The following IWS1 variants were observed in gnomAD, a reference collection of about 807,000 sequenced individuals.
IWS1 encodes protein IWS1 homolog.
In IWS1, 27 loss-of-function variants were observed where a neutral mutation model predicts 86.7. That is an observed-to-expected ratio of 0.31 (90% CI 0.23 to 0.43). The LOEUF (loss-of-function observed/expected upper bound fraction) is 0.43, where lower values mean the gene tolerates loss of function less well. Among genes scored for constraint, IWS1 ranks in the 20% least tolerant of loss-of-function variants. IWS1 has a pLI of 1.00. For synonymous variants in IWS1, 313 were observed against 335.1 expected, an observed-to-expected ratio of 0.93 and a Z score of 0.72; for missense variants, 827 against 1,000.8, an observed-to-expected ratio of 0.83 and a Z score of 2.34.
chr2:127,508,302 T>G (rs142148737), intron 2 of IWS1, among the ~76,000 whole-genome samples: 1 of 152,186 alleles, frequency 6.6e-6, no homozygotes, highest in East Asian at 1.9e-4. Context: ...AAAGTATGTA[T>G]ATGATATTTC....
intron 2 of IWS1, among the ~76,000 whole-genome samples, chr2:127,521,701 C>T (rs776465938): frequency 1.4e-4 from 21 of 152,126 alleles, no homozygotes; most frequent in Admixed American, 5.9e-4. Flanking sequence ...TGTATGGGTA[C>T]TCAAAGTATA....
chr2:127,525,162 T>C (rs967780682), intron 1 of IWS1, among the ~76,000 whole-genome samples: 6 of 149,712 alleles, frequency 4.0e-5, no homozygotes, highest in African/African-American at 1.0e-4. Context: ...GGTCTCACTA[T>C]GTTGCCCAGG....
chr2:127,493,848 A>C (rs1690367022), intron 8 of IWS1, among the ~76,000 whole-genome samples: 1 of 152,070 alleles, frequency 6.6e-6, no homozygotes, highest in Non-Finnish European at 1.5e-5. Context: ...AAAAAAAAAA[A>C]AAAAAACTCA....
rs141688354 is a variant in IWS1 at position 127,523,589 on chromosome 2, TCA to T, written c.150+85_150+86del. The T allele has an allele frequency of 2.6e-3, 2,204 of 858,350 alleles. 30 individuals carry two copies. The African/African-American group carries it at 0.033, about 13-fold the overall frequency. The allele number at this position is 858,350 out of a possible 1,614,324, so 53.2% of individuals were successfully genotyped here. A position where few individuals can be genotyped will look rare whatever the true frequency, so the allele number is the denominator to read the frequency against. On this transcript the variant is annotated intron_variant, in intron 2 of 13. Coordinates refer to ENST00000295321, the MANE Select transcript of IWS1 (RefSeq NM_017969.3). ...CTCAGAGATTAAACCCTAAACTCTG[TCA>T]CAGAGATTCTGTAACTCCTATAATA...
intron 13 of IWS1, among the ~76,000 whole-genome samples, chr2:127,483,598 G>GGGGGGT (rs1689763605): frequency 4.6e-5 from 1 of 21,822 alleles, no homozygotes; most frequent in Non-Finnish European, 1.2e-4. Context: ...GGGTGGGGGG[G>GGGGGGT]TTGGGCTGTG....
intron 12 of IWS1, among the ~76,000 whole-genome samples, chr2:127,488,688 A>G (rs1690061045): frequency 6.6e-6 from 1 of 152,216 alleles, no homozygotes. Context: ...TTCCTGTGGA[A>G]TCACAAGACG....
chr2:127,523,764 T>C lies in IWS1; in HGVS notation c.62A>G (p.Asp21Gly). 6.2e-7 allele frequency: 1 copy of C among 1,613,732 alleles called. No individual in the cohort carries two copies. Among genetic ancestry groups the C allele is most frequent in the Non-Finnish European group, 8.5e-7 (1 of 1,179,872 alleles). ...SDDGGATPVQDERDSGSDGED... is the reference protein window; with the variant it reads ...SDDGGATPVQGERDSGSDGED... ...ACCGTCTGACCCTGAATCCCGTTCA[T>C]CCTGTACTGGGGTAGCACCACCATC... is the stretch of plus-strand genomic sequence containing the variant. The change falls in exon 2 of 14, where the codon GAT becomes GGT. Residue 21 changes from aspartate to glycine, a missense_variant. Physicochemically the swap from Asp to Gly is moderately conservative, Grantham distance 94. Around this residue, in one of 2 missense-constraint regions of IWS1, gnomAD observed 548 missense variants for 560.2 expected, o/e 0.98. Coordinates refer to ENST00000295321, the MANE Select transcript of IWS1 (RefSeq NM_017969.3).
At chr2:127,506,622 C>A (rs1691164986) in intron 2 of IWS1, 1 of 165,326 alleles carries the variant, frequency 6.0e-6, no homozygotes, top group Non-Finnish European at 1.5e-5. Context: ...AATACCACAA[C>A]AGGCTCTCTC....
intron 6 of IWS1, among the ~76,000 whole-genome samples, chr2:127,497,353 G>A (rs1220491058): frequency 6.6e-6 from 1 of 152,152 alleles, no homozygotes; most frequent in East Asian, 1.9e-4. Flanking sequence ...CTAGGAAGGT[G>A]TTCAATTATT....
At chr2:127,496,550 T>TACACACACACACACACACACACAC (rs36048775) in intron 6 of IWS1, among the ~76,000 whole-genome samples, 2 of 140,424 alleles carry the variant, frequency 1.4e-5, no homozygotes, top group Non-Finnish European at 3.1e-5. Flanking sequence ...TATTTTATCA[T>TACACACACACACACACACACACAC]ACACACACAC....
intron 6 of IWS1, among the ~76,000 whole-genome samples, chr2:127,496,978 T>C (rs1447752460): frequency 1.3e-5 from 2 of 152,254 alleles, no homozygotes; most frequent in Non-Finnish European, 2.9e-5. Context: ...TGCACAGGTT[T>C]GTACCCTAGG....
At chr2:127,495,059 A>ATT (rs2104676571) in intron 7 of IWS1, 105 bp from the exon 8 acceptor site, 1 of 658,138 alleles carries the variant, frequency 1.5e-6, no homozygotes, top group East Asian at 2.9e-5. Context: ...CAAAGAAACA[A>ATT]TTTTTCCTAC....
chr2:127,525,054 C>A lies in IWS1; in HGVS notation c.34+1121G>T, dbSNP rs897474227. 1.4e-4 allele frequency among the ~76,000 whole-genome samples: 19 copies of A among 140,268 alleles called. 1 individual carries two copies. Among genetic ancestry groups the A allele is most frequent in the African/African-American group, 5.3e-4 (19 of 35,754 alleles). 92.0% of individuals were successfully genotyped at this position (140,268 alleles called of 152,430 possible). A position where few individuals can be genotyped will look rare whatever the true frequency, so the allele number is the denominator to read the frequency against. ...GGGACTACAGGTGTATGCCACCACA[C>A]TCGGCTAATTTTTGCATTTTTTTGT... On this transcript the variant is annotated intron_variant, in intron 1 of 13. Coordinates refer to ENST00000295321, the MANE Select transcript of IWS1 (RefSeq NM_017969.3).
At chr2:127,517,119 G>C (rs751279648) in intron 2 of IWS1, among the ~76,000 whole-genome samples, 5 of 152,064 alleles carry the variant, frequency 3.3e-5, no homozygotes, top group Non-Finnish European at 5.9e-5. Flanking sequence ...CACTTAAATA[G>C]ACATCCCGTG....
chr2:127,495,533 T>A (rs1558747800), intron 7 of IWS1, among the ~76,000 whole-genome samples: 1 of 152,238 alleles, frequency 6.6e-6, no homozygotes, highest in Admixed American at 6.5e-5. Context: ...ATTGAATCCA[T>A]GCTGAACTCT....
intron 2 of IWS1, among the ~76,000 whole-genome samples, chr2:127,519,656 T>C (rs1241979998): frequency 6.6e-6 from 1 of 152,118 alleles, no homozygotes; most frequent in Non-Finnish European, 1.5e-5. Flanking sequence ...CCTTCAAAAA[T>C]GTCCACGTTC....
chr2:127,513,127 G>A (rs926588760), intron 2 of IWS1, among the ~76,000 whole-genome samples: 18 of 152,198 alleles, frequency 1.2e-4, no homozygotes, highest in African/African-American at 4.1e-4. Flanking sequence ...TGTAGTCCCA[G>A]CTACTCAGGA....
chr2:127,519,284 GTC>G (rs1388441334), intron 2 of IWS1, among the ~76,000 whole-genome samples: 4 of 152,152 alleles, frequency 2.6e-5, no homozygotes, highest in African/African-American at 9.7e-5. Context: ...TCTTAAGGTA[GTC>G]TGATATGAGA....
intron 2 of IWS1, among the ~76,000 whole-genome samples, chr2:127,510,571 T>C (rs1429949786): frequency 6.6e-6 from 1 of 152,062 alleles, no homozygotes; most frequent in African/African-American, 2.4e-5. Flanking sequence ...TAGCTCAGTA[T>C]AGCCTTGAAC....
Sources: gnomAD v4.1 joint callset for allele counts (sites outside exome capture counted in the v4.1 genomes callset) on GRCh38, gnomAD v4.1.1 for gene constraint, gnomAD v4.1.1 regional missense constraint, MANE v1.5 for transcripts, NCBI Gene and HGNC (gene_info 2026-07-23, HGNC 2026-07-21) for gene names.